The following UNC5D variants were observed in gnomAD, a reference collection of about 807,000 sequenced individuals.
UNC5D encodes the protein unc-5 netrin receptor D, also known as netrin receptor UNC5D.
UNC5D carries 39 observed loss-of-function variants against 105.4 expected under a neutral mutation model. The ratio of observed to expected loss-of-function variants is 0.37; its 90% confidence interval spans 0.29 to 0.48. The LOEUF (loss-of-function observed/expected upper bound fraction) is 0.48. Ranked by LOEUF, UNC5D falls within the 20% of genes least tolerant of loss-of-function variation. UNC5D has a pLI of 0.98. For synonymous variants in UNC5D, 452 were observed against 450.4 expected (o/e 1.00, Z -0.04); for missense variants, 991 against 1,202.4 (o/e 0.82, Z 2.60).
intron 1 of UNC5D, among the ~76,000 whole-genome samples, chr8:35,431,370 G>A (rs1458615424): frequency 6.6e-6 from 1 of 152,022 alleles, no homozygotes; most frequent in Admixed American, 6.6e-5. Flanking sequence ...GCTTAATCTT[G>A]TATTATTTAA....
intron 1 of UNC5D, chr8:35,255,385 G>A (rs1804006737): frequency 6.6e-6 from 1 of 152,106 alleles, no homozygotes; most frequent in Non-Finnish European, 1.5e-5. Context: ...GAAAAGTTAT[G>A]GAGTAGTACT....
chr8:35,478,606 C>T (rs1173899181), intron 1 of UNC5D, among the ~76,000 whole-genome samples: 1 of 152,140 alleles, frequency 6.6e-6, no homozygotes, highest in Non-Finnish European at 1.5e-5. Context: ...CCATGCTTTA[C>T]TTAAAGAAAT....
chr8:35,349,312 A>T (rs1430457595), intron 1 of UNC5D, among the ~76,000 whole-genome samples: 1 of 151,992 alleles, frequency 6.6e-6, no homozygotes, highest in African/African-American at 2.4e-5. Context: ...ATTAGCCTGC[A>T]TATCTTTACC....
chr8:35,723,993 T>C (rs1828723695), intron 9 of UNC5D, among the ~76,000 whole-genome samples: 1 of 151,918 alleles, frequency 6.6e-6, no homozygotes, highest in South Asian at 2.1e-4. Flanking sequence ...GGGTAAGCCC[T>C]TGGCATATGG....
chr8:35,728,095 AAT>A lies in UNC5D; in HGVS notation c.1681+1581_1681+1582del, dbSNP rs1554596595. 3.0e-4 allele frequency among the ~76,000 whole-genome samples: 33 copies of A among 110,340 alleles called. 2 individuals carry two copies. Among genetic ancestry groups the A allele is most frequent in the African/African-American group, 8.2e-4 (15 of 18,302 alleles). 72.4% of individuals were successfully genotyped at this position (110,340 alleles called of 152,430 possible). A position where few individuals can be genotyped will look rare whatever the true frequency, so the allele number is the denominator to read the frequency against. Reference sequence around the variant, plus strand: ...CTAAAAAAAAAAAAAAAAAAAAAAAAATATATATATATATATGCCATAAAAAC... The same window carrying A: ...CTAAAAAAAAAAAAAAAAAAAAAAAAATATATATATATATGCCATAAAAAC... On this transcript the variant is annotated intron_variant, in intron 10 of 16. Coordinates refer to ENST00000404895, the MANE Select transcript of UNC5D (RefSeq NM_080872.4).
At chr8:35,551,702 C>T (rs974831751) in intron 2 of UNC5D, among the ~76,000 whole-genome samples, 12 of 151,922 alleles carry the variant, frequency 7.9e-5, no homozygotes, top group Non-Finnish European at 4.4e-5. Context: ...CCTGTAGTCC[C>T]AGCTACCCAG....
chr8:35,534,126 A>G (rs1429884545), intron 1 of UNC5D, among the ~76,000 whole-genome samples: 2 of 152,202 alleles, frequency 1.3e-5, no homozygotes, highest in Non-Finnish European at 2.9e-5. Flanking sequence ...TGTCAATGGA[A>G]AAAAGTCATT....
chr8:35,601,940 T>C (rs905749142), intron 4 of UNC5D, among the ~76,000 whole-genome samples: 1 of 152,212 alleles, frequency 6.6e-6, no homozygotes, highest in East Asian at 1.9e-4. Flanking sequence ...GGGTTCCTCA[T>C]AGATAGCTCT....
chr8:35,465,902 T>C (rs1809270497), intron 1 of UNC5D, among the ~76,000 whole-genome samples: 1 of 152,140 alleles, frequency 6.6e-6, no homozygotes, highest in South Asian at 2.1e-4. Context: ...ATTGCTCATT[T>C]TGAAGGTGGA....
intron 11 of UNC5D, among the ~76,000 whole-genome samples, chr8:35,737,082 T>C (rs540438031): frequency 1.4e-3 from 210 of 152,308 alleles, no homozygotes; most frequent in South Asian, 3.1e-3. Flanking sequence ...TAATAGTGTT[T>C]CTTTTCCTCC....
intron 1 of UNC5D, among the ~76,000 whole-genome samples, chr8:35,380,804 T>C (rs985937721): frequency 1.5e-4 from 23 of 152,204 alleles, no homozygotes; most frequent in African/African-American, 5.5e-4. Context: ...TATGTACGCA[T>C]TGGAATCATC....
At chr8:35,394,614 C>T (rs892420673) in intron 1 of UNC5D, among the ~76,000 whole-genome samples, 1 of 151,326 alleles carries the variant, frequency 6.6e-6, no homozygotes, top group Admixed American at 6.6e-5. Context: ...AATTAGGAAG[C>T]CTGGTGAATT....
chr8:35,310,370 C>T (rs1013046717), intron 1 of UNC5D, among the ~76,000 whole-genome samples: 1 of 152,136 alleles, frequency 6.6e-6, no homozygotes, highest in Admixed American at 6.6e-5. Flanking sequence ...CCTGTAATCC[C>T]AGCACTTCGG....
At chr8:35,379,102 T>C (rs1802875502) in intron 1 of UNC5D, among the ~76,000 whole-genome samples, 1 of 152,176 alleles carries the variant, frequency 6.6e-6, no homozygotes, top group South Asian at 2.1e-4. Flanking sequence ...CATTGCTGAC[T>C]GGGGAAATAG....
At position 35,790,956 on chromosome 8, in the gene UNC5D, G is replaced by T; in HGVS notation, c.*393G>T. On this transcript the variant is annotated 3_prime_UTR_variant, in exon 17 of 17. Coordinates refer to ENST00000404895, the MANE Select transcript of UNC5D (RefSeq NM_080872.4). The stretch of plus-strand genomic sequence containing the variant: ...TGCCCCAAAGGGCCAGCTGATTCTG[G>T]TACTAGATTGTCAGAGTTTTCTACC... 1 of 198,606 alleles carries T rather than the reference G, an allele frequency of 5.0e-6. No individual in the cohort carries two copies. The highest frequency in any genetic ancestry group is 1.1e-4 in the South Asian group (1 of 9,444). The allele number at this position is 198,606 out of a possible 1,614,324, so 12.3% of individuals were successfully genotyped here.
At chr8:35,420,611 C>T (rs1031165323) in intron 1 of UNC5D, among the ~76,000 whole-genome samples, 1 of 152,140 alleles carries the variant, frequency 6.6e-6, no homozygotes, top group Non-Finnish European at 1.5e-5. Flanking sequence ...GCAAAGACAC[C>T]AGTTCCCTCT....
rs189801978 is a variant in UNC5D, at chr8:35,605,497, C to T, written c.570+9840C>T. 8.1e-4 allele frequency among the ~76,000 whole-genome samples: 124 copies of T among 152,258 alleles called. 1 individual carries two copies. In the East Asian group the frequency reaches 0.02, roughly 25 times the overall value. On this transcript the variant is annotated intron_variant, in intron 4 of 16. Transcript: ENST00000404895. The stretch of plus-strand genomic sequence containing the variant: ...GTTAGGCTACTTGGCGGTCAGGGAC[C>T]CACTTGAGGAGGCAGTCTACCTGTT...
chr8:35,262,109 T>C (rs1467626964), intron 1 of UNC5D, among the ~76,000 whole-genome samples: 1 of 152,222 alleles, frequency 6.6e-6, no homozygotes, highest in East Asian at 1.9e-4. Context: ...CTCACTAAAT[T>C]TTAACAGTCA....
chr8:35,376,185 C>T (rs186984051), intron 1 of UNC5D, among the ~76,000 whole-genome samples: 1 of 152,198 alleles, frequency 6.6e-6, no homozygotes, highest in South Asian at 2.1e-4. Context: ...TTGGGGGAAC[C>T]CTTTGATTTG....
Sources: allele counts gnomAD v4.1 joint callset (sites outside exome capture counted in the v4.1 genomes callset), GRCh38; gene constraint gnomAD v4.1.1; transcripts MANE v1.5; gene names NCBI Gene and HGNC (gene_info 2026-07-23, HGNC 2026-07-21).